SLC28A2: variants seen among roughly 807,000 people sequenced by gnomAD.
The protein encoded by SLC28A2 is sodium/nucleoside cotransporter 2.
SLC28A2 carries 69 observed loss-of-function variants against 72.9 expected under a neutral mutation model. The ratio of observed to expected loss-of-function variants is 0.95; its 90% CI spans 0.78 to 1.16. The LOEUF is 1.16. Ranked by LOEUF, SLC28A2 falls within the 50% of genes most tolerant of loss-of-function variation. The pLI is 0.00. For synonymous variants in SLC28A2, 296 were observed against 294.1 expected (o/e 1.01, Z -0.07); for missense variants, 745 against 791.1 (o/e 0.94, Z 0.70).
In SLC28A2 at chr15:45,275,692, T is replaced by C. The variant is rs1595685753; in HGVS notation, c.*179T>C. Reference sequence around the variant, plus strand: ...GGCTCATGCCTGTAATCCCAGCACTTTGGGAGGCCGAGGCGGGCGGATCAC... The same window carrying C: ...GGCTCATGCCTGTAATCCCAGCACTCTGGGAGGCCGAGGCGGGCGGATCAC... On this transcript the variant is annotated 3_prime_UTR_variant, in exon 18 of 18. Coordinates refer to ENST00000347644, the MANE Select transcript of SLC28A2 (RefSeq NM_004212.4). The C allele has an allele frequency of 1.8e-6, 1 of 556,400 alleles. No individual in the cohort carries two copies. Among genetic ancestry groups the C allele is most frequent in the East Asian group, 3.1e-5 (1 of 32,730 alleles). 34.5% of individuals were successfully genotyped at this position (556,400 alleles called of 1,614,324 possible).
chr15:45,258,456 A>G (rs918273728), intron 3 of SLC28A2, among the ~76,000 whole-genome samples: 1 of 152,138 alleles, frequency 6.6e-6, no homozygotes, highest in East Asian at 1.9e-4. Context: ...CCAAAACATT[A>G]TCTGTACCCA....
chr15:45,253,692 G>A (rs1899883906), intron 3 of SLC28A2, 172 bp downstream of exon 3: 4 of 523,494 alleles, frequency 7.6e-6, no homozygotes, highest in Non-Finnish European at 1.4e-5. Flanking sequence ...TAAAAAAAAA[G>A]GAGTTCAGCA....
At chr15:45,254,401 T>C (rs1300325384) in intron 3 of SLC28A2, among the ~76,000 whole-genome samples, 2 of 152,224 alleles carry the variant, frequency 1.3e-5, no homozygotes, top group African/African-American at 4.8e-5. Context: ...GTATTTTTAC[T>C]GTGCCTTTTC....
At chr15:45,256,915 T>C (rs1343798152) in intron 3 of SLC28A2, among the ~76,000 whole-genome samples, 1 of 152,138 alleles carries the variant, frequency 6.6e-6, no homozygotes, top group Non-Finnish European at 1.5e-5. Flanking sequence ...CAGTTGCTCC[T>C]GAACAAAGCC....
chr15:45,253,633 ATATG>A, intron 3 of SLC28A2, 113 bp downstream of exon 3: 1 of 618,368 alleles, frequency 1.6e-6, no homozygotes, highest in Non-Finnish European at 2.9e-6. Flanking sequence ...GTACATATAT[ATATG>A]TATCTTACAT....
At chr15:45,265,717 C>T in intron 9 of SLC28A2, 54 bp downstream of exon 9, 2 of 1,262,378 alleles carry the variant, frequency 1.6e-6, no homozygotes, top group Admixed American at 1.7e-5. Flanking sequence ...TGTCATCAGT[C>T]AGCTTTGGAA....
chr15:45,266,076 T>TCTA lies in SLC28A2; in HGVS notation c.862-4_862-2dup, dbSNP rs1235894711. 6.2e-7 allele frequency: 1 copy of TCTA among 1,605,752 alleles called. No individual in the cohort carries two copies. The highest frequency in any genetic ancestry group is 2.2e-5 in the East Asian group (1 of 44,836). Reference sequence around the variant, plus strand: ...TTAATGGTTTAGGTTTCTGTATTCTTCTAGGTCGCCTGGTTTTTACAAATC... The same window carrying TCTA: ...TTAATGGTTTAGGTTTCTGTATTCTTCTACTAGGTCGCCTGGTTTTTACAAATC... On this transcript the variant is annotated splice_region_variant and splice_polypyrimidine_tract_variant and intron_variant, in intron 9 of 17. Transcript: ENST00000347644.
At chr15:45,272,228 G>T (rs1900595193) in intron 15 of SLC28A2, 67 bp from the exon 16 acceptor site, 1 of 1,228,908 alleles carries the variant, frequency 8.1e-7, no homozygotes, top group Non-Finnish European at 1.2e-6. Flanking sequence ...CTAAGTGGGG[G>T]CCCATGGGAT....
At position 45,253,540 on chromosome 15, in the gene SLC28A2, T is replaced by C; in HGVS notation, c.170+20T>C. On this transcript the variant is annotated intron_variant, in intron 3 of 17. Coordinates refer to ENST00000347644, the MANE Select transcript of SLC28A2 (RefSeq NM_004212.4). The stretch of plus-strand genomic sequence containing the variant: ...CCAGAGGTACTGGTGTTTTGGAATC[T>C]TGTTCAGTTAGGAAAGGATCTAGGG... 1 of 1,572,136 alleles carries C rather than the reference T, an allele frequency of 6.4e-7. No individual in the cohort carries two copies. Among genetic ancestry groups the C allele is most frequent in the Non-Finnish European group, 8.7e-7 (1 of 1,143,766 alleles).
chr15:45,265,532 C>T lies in SLC28A2; in HGVS notation c.781-51C>T, dbSNP rs74433282. 4,356 of 1,291,584 alleles carry T rather than the reference C, an allele frequency of 3.4e-3. 185 individuals are homozygous for T. In the East Asian group the frequency reaches 0.085, roughly 25 times the overall value. 80.0% of individuals were successfully genotyped at this position (1,291,584 alleles called of 1,614,324 possible). ...AAGAGCTTAACTTAGAAGCCTAAAA[C>T]ACAGAGTATGCAATGTAACATCTCA... is the stretch of plus-strand genomic sequence containing the variant. On this transcript the variant is annotated intron_variant, in intron 8 of 17. Coordinates refer to ENST00000347644, the MANE Select transcript of SLC28A2 (RefSeq NM_004212.4).
chr15:45,258,994 T>A (rs1033832569), intron 3 of SLC28A2, among the ~76,000 whole-genome samples: 15 of 152,216 alleles, frequency 9.9e-5, no homozygotes, highest in African/African-American at 3.6e-4. Flanking sequence ...CTCCATTGTA[T>A]GTGTGTAGTA....
chr15:45,269,498 T>C lies in SLC28A2; in HGVS notation c.1529T>C (p.Met510Thr), dbSNP rs779361489. 1.9e-6 allele frequency: 3 copies of C among 1,614,110 alleles called. No homozygotes were observed. The highest frequency in any genetic ancestry group is 1.7e-6 in the Non-Finnish European group (2 of 1,179,968). The change falls in exon 14 of 18, where the codon ATG becomes ACG. Residue 510 changes from methionine to threonine, a missense_variant. Physicochemically the swap from Met to Thr is moderately conservative, Grantham distance 81. Transcript: ENST00000347644. ...SQYKNKRLSG[M>T]EEWIEGEKQW... Reference sequence around the variant, plus strand: ...TACAAGAACAAACGTCTCTCTGGAATGGAGGAGTGGATTGAGGGAGAGAAA... The same window carrying C: ...TACAAGAACAAACGTCTCTCTGGAACGGAGGAGTGGATTGAGGGAGAGAAA...
intron 17 of SLC28A2, 26 bp downstream of exon 17, chr15:45,272,810 C>T: frequency 8.2e-7 from 1 of 1,220,424 alleles, no homozygotes; most frequent in Non-Finnish European, 1.2e-6. Flanking sequence ...CCATTCCTTT[C>T]TCTCACACAC....
At position 45,276,597 on chromosome 15, in the gene SLC28A2, C is replaced by T. The variant is rs929136185; in HGVS notation, c.*1084C>T. On this transcript the variant is annotated 3_prime_UTR_variant, in exon 18 of 18. Transcript: ENST00000347644. ...GTATTACTATGTCAAAAAAGTCTTA[C>T]AAATCATGCTTCTAGTTGCCATCTT... 1.3e-5 allele frequency: 2 copies of T among 152,060 alleles called. No individual in the cohort carries two copies. The highest frequency in any genetic ancestry group is 4.8e-5 in the African/African-American group (2 of 41,422). The allele number at this position is 152,060 out of a possible 1,614,324, so 9.4% of individuals were successfully genotyped here.
intron 3 of SLC28A2, among the ~76,000 whole-genome samples, chr15:45,260,379 C>G (rs1009683805): frequency 1.3e-5 from 2 of 152,102 alleles, no homozygotes; most frequent in Admixed American, 6.5e-5. Context: ...AGGAGCACAC[C>G]AAAGATATCT....
Position 45,265,166 on chromosome 15 carries a change from G to T in SLC28A2, c.780G>T (p.Gln260His). 1.3e-6 allele frequency: 2 copies of T among 1,587,834 alleles called. No individual in the cohort carries two copies. The highest frequency in any genetic ancestry group is 8.6e-7 in the Non-Finnish European group (1 of 1,156,224). ...DTLVKDVFAF[Q>H]ALPIIIFFGC... ...TGGTCAAGGATGTCTTTGCTTTTCAGGTGATACCTATTTTATGGGCAGGAA... is the reference window on the plus strand; with the variant it reads ...TGGTCAAGGATGTCTTTGCTTTTCATGTGATACCTATTTTATGGGCAGGAA... The change falls in exon 8 of 18, where the codon CAG (glutamine) becomes CAT (histidine). Residue 260 changes from glutamine to histidine, a missense_variant and splice_region_variant. By Grantham distance (24) the Gln-to-His change is conservative. Coordinates refer to ENST00000347644, the MANE Select transcript of SLC28A2 (RefSeq NM_004212.4).
intron 3 of SLC28A2, among the ~76,000 whole-genome samples, chr15:45,258,708 C>T (rs1166155709): frequency 1.3e-5 from 2 of 152,064 alleles, no homozygotes; most frequent in Non-Finnish European, 2.9e-5. Context: ...TATAGTATTT[C>T]ATTGTAAGAA....
Position 45,269,375 on chromosome 15 carries a change from T to A in SLC28A2, c.1406T>A (p.Met469Lys), listed in dbSNP as rs749570721. The A allele has an allele frequency of 6.2e-7, 1 of 1,614,016 alleles. No individual in the cohort carries two copies. Among genetic ancestry groups the A allele is most frequent in the Non-Finnish European group, 8.5e-7 (1 of 1,179,934 alleles). ...CSYLLRPMVFMMGVEWTDCPM... is the reference protein window; with the variant it reads ...CSYLLRPMVFKMGVEWTDCPM... ...TATCTCCTAAGGCCCATGGTTTTCA[T>A]GATGGGTGTAGAGTGGACAGACTGT... is the stretch of plus-strand genomic sequence containing the variant. Residue 469 changes from methionine (M) to lysine (K), a missense_variant, in exon 14 of 18, where the codon ATG becomes AAG. Coordinates refer to ENST00000347644, the MANE Select transcript of SLC28A2 (RefSeq NM_004212.4).
chr15:45,260,293 G>A (rs1900113581), intron 3 of SLC28A2, among the ~76,000 whole-genome samples: 1 of 152,184 alleles, frequency 6.6e-6, no homozygotes. Flanking sequence ...ATAAGCCAGA[G>A]GACATGGGAG....
Sources: allele counts gnomAD v4.1 joint callset (sites outside exome capture counted in the v4.1 genomes callset), GRCh38; gene constraint gnomAD v4.1.1; transcripts MANE v1.5; gene names NCBI Gene and HGNC (gene_info 2026-07-23, HGNC 2026-07-21).